Variants in TIMM44 observed in about 807,000 individuals in gnomAD.
The protein encoded by TIMM44 is mitochondrial import inner membrane translocase subunit TIM44.
A neutral mutation model predicts 63.8 loss-of-function variants in TIMM44; 37 were observed. That is an observed-to-expected ratio of 0.58 (90% confidence interval 0.45 to 0.76). TIMM44 has a LOEUF of 0.76. Among genes scored for constraint, TIMM44 ranks in the 30% least tolerant of loss-of-function variants. The pLI is 0.00. For missense variants in TIMM44, 573 were observed against 603.8 expected, an observed-to-expected ratio of 0.95 and a Z score of 0.54; for synonymous variants, 239 against 245.1, an observed-to-expected ratio of 0.98 and a Z score of 0.23.
chr19:7,932,682 T>A lies in TIMM44; in HGVS notation c.932A>T (p.Asp311Val). ...GCACTGTTTCAGAAACCGGTCCTTGTCAAAGGCCGGGTCCACCCGGAGGAT... is the reference window on the plus strand; with the variant it reads ...GCACTGTTTCAGAAACCGGTCCTTGACAAAGGCCGGGTCCACCCGGAGGAT... ...TEILRVDPAF[D>V]KDRFLKQCEN... The change falls in exon 9 of 13, where the codon GAC becomes GTC. Residue 311 changes from aspartate to valine, a missense_variant. Transcript: ENST00000270538. 3 of 1,614,098 alleles carry A rather than the reference T, an allele frequency of 1.9e-6. No homozygotes were observed. Among genetic ancestry groups the A allele is most frequent in the Non-Finnish European group, 2.5e-6 (3 of 1,179,998 alleles).
Position 7,927,256 on chromosome 19 carries a change from G to C in TIMM44, c.1290C>G (p.Asp430Glu), listed in dbSNP as rs771710174. Residue 430 changes from aspartate (D) to glutamate (E), a missense_variant, in exon 13 of 13, where the codon GAC (aspartate) becomes GAG (glutamate). Transcript: ENST00000270538. ...LYVWALCRDQ[D>E]ELNPYAAWRL... ...GCCAGGCCGCGTAGGGGTTGAGCTC[G>C]TCCTGGTCTCGGCAGAGCGCCCACA... 1 of 1,612,428 alleles carries C rather than the reference G, an allele frequency of 6.2e-7. No homozygotes were observed.
At chr19:7,932,245 T>G (rs1599647602) in intron 9 of TIMM44, 2 of 271,166 alleles carry the variant, frequency 7.4e-6, no homozygotes, top group Non-Finnish European at 1.4e-5. Flanking sequence ...CAGCTCTGGG[T>G]CAGACGTGGC....
In TIMM44 at chr19:7,927,651, A is replaced by C; in HGVS notation, c.1239+6T>G. ...TGTGCCTGCCCCATCCCACTCCCTCACTCACCGGGTCACCCTCCACCACCT... is the reference window on the plus strand; with the variant it reads ...TGTGCCTGCCCCATCCCACTCCCTCCCTCACCGGGTCACCCTCCACCACCT... On this transcript the variant is annotated splice_donor_region_variant and intron_variant, in intron 12 of 12. Coordinates refer to ENST00000270538, the MANE Select transcript of TIMM44 (RefSeq NM_006351.4). 1.2e-6 allele frequency: 2 copies of C among 1,611,922 alleles called. No homozygotes were observed. The highest frequency in any genetic ancestry group is 1.3e-5 in the African/African-American group (1 of 74,720).
chr19:7,936,937 C>T (rs1984172247), intron 3 of TIMM44, among the ~76,000 whole-genome samples: 1 of 151,616 alleles, frequency 6.6e-6, no homozygotes, highest in African/African-American at 2.4e-5. Flanking sequence ...CCTGTCTTTA[C>T]TAAAAATACA....
rs1225405224 is a variant in TIMM44 at position 7,931,126 on chromosome 19, G to T, written c.1038+12C>A. 6.2e-7 allele frequency: 1 copy of T among 1,610,040 alleles called. No individual in the cohort carries two copies. The highest frequency in any genetic ancestry group is 2.2e-5 in the East Asian group (1 of 44,854). ...TTAAAAAAAAAAAAAGAAAAAGAAA[G>T]GAAGTACTCACAGCTTCATAGCACC... On this transcript the variant is annotated intron_variant, in intron 10 of 12. Coordinates refer to ENST00000270538, the MANE Select transcript of TIMM44 (RefSeq NM_006351.4).
chr19:7,927,885 C>A, intron 11 of TIMM44, 118 bp from the exon 12 acceptor site: 1 of 1,182,064 alleles, frequency 8.5e-7, no homozygotes, highest in South Asian at 1.3e-5. Context: ...GGCCCAGCAC[C>A]GGTCCCTCCC....
In TIMM44 at chr19:7,943,643, C is replaced by A; in HGVS notation, c.9G>T (p.Ala3=). 1.3e-6 allele frequency: 2 copies of A among 1,566,844 alleles called. No individual in the cohort carries two copies. Among genetic ancestry groups the A allele is most frequent in the Non-Finnish European group, 1.7e-6 (2 of 1,163,308 alleles). The change falls in exon 1 of 13, where the codon GCG becomes GCT. Residue 3 remains alanine, a synonymous_variant. Transcript: ENST00000270538. The surrounding 1 kb of genome is among the most constrained non-coding windows in gnomAD (Gnocchi z 4.3). MA[A]AALRSGWCRC... ...GGCACCAGCCACTCCGCAGGGCCGC[C>A]GCCGCCATGTTGGAGAATCGTGTGA...
In TIMM44 at chr19:7,927,674, C is replaced by T. The variant is rs1458759615; in HGVS notation, c.1222G>A (p.Val408Met). ...TCACTCACCGGGTCACCCTCCACCA[C>T]CTCGCCTTTGGGGTTCCTGACCACC... is the stretch of plus-strand genomic sequence containing the variant. Reference protein sequence around the residue: ...VMVVRNPKGEVVEGDPDKVLR... With the variant: ...VMVVRNPKGEMVEGDPDKVLR... The change falls in exon 12 of 13, where the codon GTG (valine) becomes ATG (methionine). Residue 408 changes from valine to methionine, a missense_variant. Coordinates refer to ENST00000270538, the MANE Select transcript of TIMM44 (RefSeq NM_006351.4). The T allele has an allele frequency of 6.2e-7, 1 of 1,613,540 alleles. No homozygotes were observed. Among genetic ancestry groups the T allele is most frequent in the East Asian group, 2.2e-5 (1 of 44,886 alleles).
chr19:7,930,896 G>A lies in TIMM44; in HGVS notation c.1038+242C>T, dbSNP rs1310822426. On this transcript the variant is annotated intron_variant, in intron 10 of 12. Transcript: ENST00000270538. ...CCCTAACAAAGTTTACAGTCTGGGA[G>A]CAAAGGACTGGCGGGTGACCCGGTG... 1.6e-4 allele frequency among the ~76,000 whole-genome samples: 24 copies of A among 152,140 alleles called. 1 individual carries two copies. The highest frequency in any genetic ancestry group is 1.6e-3 in the Admixed American group (24 of 15,276).
In TIMM44 at chr19:7,941,209, G is replaced by T. The variant is rs760566221; in HGVS notation, c.46-12C>A. 1 of 1,596,954 alleles carries T rather than the reference G, an allele frequency of 6.3e-7. No individual in the cohort carries two copies. Among genetic ancestry groups the T allele is most frequent in the South Asian group, 1.1e-5 (1 of 90,728 alleles). ...CTGCCGAGGCATCTCTAATTGGGGGGAGAGAAGAGAAAGATCCATTCTAAC... is the reference window on the plus strand; with the variant it reads ...CTGCCGAGGCATCTCTAATTGGGGGTAGAGAAGAGAAAGATCCATTCTAAC... On this transcript the variant is annotated splice_polypyrimidine_tract_variant and intron_variant, in intron 1 of 12. Transcript: ENST00000270538.
intron 2 of TIMM44, among the ~76,000 whole-genome samples, chr19:7,938,959 T>C (rs561291134): frequency 6.6e-6 from 1 of 152,042 alleles, no homozygotes; most frequent in East Asian, 1.9e-4. Context: ...TATAGACCGT[T>C]CTGGAAAAGG....
rs141712131 is a variant in TIMM44 at position 7,933,974 on chromosome 19, G to A, written c.573C>T (p.Asp191=). ...QGVESVKKEI[D]DSVLGQTGPY... ...GCCCGGTCTGTCCCAGGACGCTGTC[G>A]TCAATTTCCTTCTTCACGGACTCCA... Residue 191 remains aspartate, a synonymous_variant, in exon 6 of 13, where the codon GAC becomes GAT. Transcript: ENST00000270538. This position sits in a 1 kb window ranked among gnomAD's most constrained non-coding sequence, Gnocchi z 4.3. The A allele has an allele frequency of 4.7e-3, 7,529 of 1,614,104 alleles. 32 individuals are homozygous for A. Among genetic ancestry groups the A allele is most frequent in the South Asian group, 5.7e-3 (522 of 91,086 alleles).
chr19:7,941,344 G>A, intron 1 of TIMM44, 147 bp from the exon 2 acceptor site: 1 of 680,094 alleles, frequency 1.5e-6, no homozygotes, highest in Non-Finnish European at 2.6e-6. Context: ...CTAGAGTGCA[G>A]TGCTGCGATC....
Position 7,934,462 on chromosome 19 carries a change from G to C in TIMM44, c.394-224C>G, listed in dbSNP as rs74939607. 1.4e-4 allele frequency among the ~76,000 whole-genome samples: 19 copies of C among 133,504 alleles called. No individual in the cohort carries two copies. Among genetic ancestry groups the C allele is most frequent in the African/African-American group, 4.3e-4 (17 of 39,388 alleles). The allele number at this position is 133,504 out of a possible 152,430, so 87.6% of individuals were successfully genotyped here. A position where few individuals can be genotyped will look rare whatever the true frequency, so the allele number is the denominator to read the frequency against. On this transcript the variant is annotated intron_variant, in intron 4 of 12. Coordinates refer to ENST00000270538, the MANE Select transcript of TIMM44 (RefSeq NM_006351.4). This position sits in a 1 kb window ranked among gnomAD's most constrained non-coding sequence, Gnocchi z 5.3. ...CACCCCCAGAGCCACGAGCACACCG[G>C]CACCCCCAGAGCCATGAGCACACCG...
chr19:7,935,108 A>G lies in TIMM44; in HGVS notation c.350T>C (p.Val117Ala). 1 of 1,607,286 alleles carries G rather than the reference A, an allele frequency of 6.2e-7. No individual in the cohort carries two copies. Among genetic ancestry groups the G allele is most frequent in the Non-Finnish European group, 8.5e-7 (1 of 1,179,006 alleles). Residue 117 changes from valine to alanine, a missense_variant, in exon 4 of 13, where the codon GTG (valine) becomes GCG (alanine). By Grantham distance (64) the Val-to-Ala change is moderately conservative. Transcript: ENST00000270538. ...IESETVRTSE[V>A]LRKKLGELTG... ...CAGCTCCCCAAGCTTCTTCCGTAGC[A>G]CCTCGCTCGTCCGCACGGTTTCTGA...
intron 11 of TIMM44, 101 bp downstream of exon 11, chr19:7,927,976 C>T: frequency 8.0e-7 from 1 of 1,253,232 alleles, no homozygotes; most frequent in Non-Finnish European, 1.1e-6. Flanking sequence ...CTTGGATCAG[C>T]CCATGGCCCC....
chr19:7,938,806 C>CAAATA (rs200561791), intron 2 of TIMM44, among the ~76,000 whole-genome samples: 9 of 151,788 alleles, frequency 5.9e-5, no homozygotes, highest in East Asian at 1.9e-4. Context: ...GACTCCATCT[C>CAAATA]AAATAAAATA....
chr19:7,932,781 G>A (rs374708060), intron 8 of TIMM44, 30 bp from the exon 9 acceptor site: 2 of 1,613,956 alleles, frequency 1.2e-6, no homozygotes, highest in African/African-American at 2.7e-5. Flanking sequence ...GAGTTCGGGG[G>A]GAAGGCCGGG....
In TIMM44 at chr19:7,932,877, T is replaced by G; in HGVS notation, c.825A>C (p.Ala275=). Residue 275 remains alanine (A), a synonymous_variant, in exon 8 of 13, where the codon GCA becomes GCC. Coordinates refer to ENST00000270538, the MANE Select transcript of TIMM44 (RefSeq NM_006351.4). Reference sequence around the variant, plus strand: ...TGACCTTGTCCGTAAGGGCCCGGGATGCCCGGATGAACGCGTTGTCGCTTT... The same window carrying G: ...TGACCTTGTCCGTAAGGGCCCGGGAGGCCCGGATGAACGCGTTGTCGCTTT... The part of the protein sequence containing the change: ...YDESDNAFIR[A]SRALTDKVTD... The G allele has an allele frequency of 6.2e-7, 1 of 1,614,204 alleles. No individual in the cohort carries two copies. Among genetic ancestry groups the G allele is most frequent in the Non-Finnish European group, 8.5e-7 (1 of 1,180,024 alleles).
Sources: gnomAD v4.1 joint callset for allele counts (sites outside exome capture counted in the v4.1 genomes callset) on GRCh38, gnomAD v4.1.1 for gene constraint, Gnocchi (gnomAD v3.1) non-coding constraint, MANE v1.5 for transcripts, NCBI Gene and HGNC (gene_info 2026-07-23, HGNC 2026-07-21) for gene names.